RIT2: variants seen among roughly 807,000 people sequenced by gnomAD.
RIT2 encodes GTP-binding protein Rit2.
RIT2 carries 24 observed loss-of-function variants against 23.7 expected under a neutral mutation model. That is an observed-to-expected ratio of 1.01 (90% CI 0.73 to 1.43). RIT2 has a LOEUF of 1.43. Among genes scored for constraint, RIT2 ranks in the 40% most tolerant of loss-of-function variants. The pLI is 0.00. For synonymous variants in RIT2, 107 were observed against 91.1 expected (o/e 1.17, Z -0.99); for missense variants, 236 against 266.9 (o/e 0.88, Z 0.81).
At chr18:42,850,514 A>G (rs953544967) in intron 4 of RIT2, among the ~76,000 whole-genome samples, 4 of 152,192 alleles carry the variant, frequency 2.6e-5, no homozygotes, top group African/African-American at 9.7e-5. Flanking sequence ...ACCCACTGGC[A>G]AAGATATTCC....
intron 4 of RIT2, among the ~76,000 whole-genome samples, chr18:42,752,827 T>C (rs750345723): frequency 3.3e-5 from 5 of 152,194 alleles, no homozygotes; most frequent in Non-Finnish European, 5.9e-5. Flanking sequence ...GATATCATTA[T>C]ACCACAGTGC....
intron 4 of RIT2, among the ~76,000 whole-genome samples, chr18:42,843,857 G>A (rs1906834077): frequency 6.6e-6 from 1 of 152,036 alleles, no homozygotes; most frequent in Non-Finnish European, 1.5e-5. Flanking sequence ...GATATCTAAG[G>A]AAGTATCTGA....
chr18:42,809,986 T>G (rs1905796535), intron 4 of RIT2, among the ~76,000 whole-genome samples: 1 of 146,342 alleles, frequency 6.8e-6, no homozygotes, highest in Non-Finnish European at 1.5e-5. Context: ...TTTGTATATG[T>G]TATATATAAC....
At chr18:43,088,075 A>C (rs1913328264) in intron 1 of RIT2, among the ~76,000 whole-genome samples, 1 of 152,212 alleles carries the variant, frequency 6.6e-6, no homozygotes, top group African/African-American at 2.4e-5. Flanking sequence ...ATAGCTGTAT[A>C]GTCTTGAGCA....
chr18:43,087,935 G>A (rs1281912250), intron 1 of RIT2, among the ~76,000 whole-genome samples: 1 of 151,950 alleles, frequency 6.6e-6, no homozygotes. Context: ...TTCAATCTTT[G>A]CTATTATTGT....
chr18:43,115,685 T>A lies in RIT2; in HGVS notation c.-166A>T. Reference sequence around the variant, plus strand: ...TGGTCCTCCGCTCGAGCGGGTCTCATAGCAACCACTTCAATTGCTTCCAAT... The same window carrying A: ...TGGTCCTCCGCTCGAGCGGGTCTCAAAGCAACCACTTCAATTGCTTCCAAT... On this transcript the variant is annotated 5_prime_UTR_variant, in exon 1 of 5. It removes an upstream start codon present in the reference 5' UTR. Transcript: ENST00000326695. 1 of 866,642 alleles carries A rather than the reference T, an allele frequency of 1.2e-6. No homozygotes were observed. Among genetic ancestry groups the A allele is most frequent in the East Asian group, 3.2e-5 (1 of 31,606 alleles). 53.7% of individuals were successfully genotyped at this position (866,642 alleles called of 1,614,324 possible).
intron 1 of RIT2, among the ~76,000 whole-genome samples, chr18:43,039,430 G>T (rs1261495387): frequency 6.6e-6 from 1 of 150,878 alleles, no homozygotes; most frequent in Non-Finnish European, 1.5e-5. Context: ...CTCACTGCAG[G>T]CCCCGCCTCC....
At chr18:42,981,394 C>T (rs994904523) in intron 2 of RIT2, among the ~76,000 whole-genome samples, 1 of 152,256 alleles carries the variant, frequency 6.6e-6, no homozygotes, top group Non-Finnish European at 1.5e-5. Context: ...AATGACTCTT[C>T]ATCCTCATCT....
intron 4 of RIT2, among the ~76,000 whole-genome samples, chr18:42,793,881 C>T (rs750579532): frequency 6.6e-6 from 1 of 152,144 alleles, no homozygotes; most frequent in Non-Finnish European, 1.5e-5. Flanking sequence ...TCAAGATTAA[C>T]CAAAAACTTT....
chr18:42,875,466 T>C (rs1907722331), intron 4 of RIT2, among the ~76,000 whole-genome samples: 1 of 152,018 alleles, frequency 6.6e-6, no homozygotes, highest in Non-Finnish European at 1.5e-5. Context: ...CTGTTGCTGA[T>C]GTTTTTATTT....
At chr18:42,930,577 T>C (rs1341555132) in intron 3 of RIT2, among the ~76,000 whole-genome samples, 2 of 152,082 alleles carry the variant, frequency 1.3e-5, no homozygotes, top group Non-Finnish European at 2.9e-5. Context: ...TTAAATATGG[T>C]TCCAGTTTTT....
chr18:43,086,189 G>A (rs1913278799), intron 1 of RIT2, among the ~76,000 whole-genome samples: 1 of 152,074 alleles, frequency 6.6e-6, no homozygotes, highest in Non-Finnish European at 1.5e-5. Context: ...ATGCTTTAAT[G>A]AGCATATCTT....
chr18:42,856,704 T>C (rs909698693), intron 4 of RIT2, among the ~76,000 whole-genome samples: 2 of 152,112 alleles, frequency 1.3e-5, no homozygotes, highest in Non-Finnish European at 2.9e-5. Flanking sequence ...ATTTTTCTTC[T>C]GAATATGAAG....
At chr18:43,047,556 C>T (rs546749149) in intron 1 of RIT2, among the ~76,000 whole-genome samples, 14 of 152,024 alleles carry the variant, frequency 9.2e-5, no homozygotes, top group Admixed American at 1.3e-4. Flanking sequence ...TCTCTTGATA[C>T]GCTTTTCAGT....
chr18:42,990,315 G>A (rs1169167298), intron 2 of RIT2, among the ~76,000 whole-genome samples: 1 of 152,040 alleles, frequency 6.6e-6, no homozygotes, highest in East Asian at 1.9e-4. Context: ...TCCACATTAG[G>A]GAGGGCGATT....
intron 2 of RIT2, among the ~76,000 whole-genome samples, chr18:42,996,340 G>A (rs375015394): frequency 1.2e-4 from 18 of 151,856 alleles, no homozygotes; most frequent in South Asian, 8.3e-4. Flanking sequence ...AATTTTCGCC[G>A]TCCCAACACT....
intron 4 of RIT2, among the ~76,000 whole-genome samples, chr18:42,790,753 A>G (rs1914025484): frequency 6.6e-6 from 1 of 152,182 alleles, no homozygotes; most frequent in African/African-American, 2.4e-5. Context: ...TCTCTAACTT[A>G]AAGTTTTTAA....
At chr18:43,104,331 G>C (rs2144242583) in intron 1 of RIT2, among the ~76,000 whole-genome samples, 1 of 152,298 alleles carries the variant, frequency 6.6e-6, no homozygotes, top group East Asian at 1.9e-4. Context: ...ATCACAGCTA[G>C]ATGGGAGGAA....
At chr18:42,796,059 T>C (rs1905341326) in intron 4 of RIT2, among the ~76,000 whole-genome samples, 1 of 152,126 alleles carries the variant, frequency 6.6e-6, no homozygotes, top group Non-Finnish European at 1.5e-5. Flanking sequence ...TAGCCAGCAG[T>C]GGCAACCCGC....
Sources: allele counts gnomAD v4.1 joint callset (sites outside exome capture counted in the v4.1 genomes callset), GRCh38; gene constraint gnomAD v4.1.1; transcripts MANE v1.5; gene names NCBI Gene and HGNC (gene_info 2026-07-23, HGNC 2026-07-21).